Variants in CFAP46 observed in about 807,000 individuals in gnomAD.
CFAP46 encodes cilia- and flagella-associated protein 46.
In CFAP46, 245 loss-of-function variants were observed where a neutral mutation model predicts 325.7. That is an observed-to-expected ratio of 0.75 (90% CI 0.68 to 0.84). The LOEUF is 0.84. CFAP46 is among the 40% of genes least tolerant of loss of function. CFAP46 has a pLI of 0.00. For synonymous variants in CFAP46, 1,523 were observed against 1,495.9 expected (o/e 1.02, Z -0.42); for missense variants, 3,346 against 3,543.0 (o/e 0.94, Z 1.41).
At position 132,885,130 on chromosome 10, in the gene CFAP46, G is replaced by A. The variant is rs1849102798; in HGVS notation, c.3600C>T (p.Cys1200=). 7 of 1,549,180 alleles carry A rather than the reference G, an allele frequency of 4.5e-6. No homozygotes were observed. Among genetic ancestry groups the A allele is most frequent in the African/African-American group, 2.7e-5 (2 of 73,018 alleles). Residue 1200 remains cysteine (C), a synonymous_variant, in exon 27 of 58, where the codon TGC becomes TGT. Transcript: ENST00000368586. ...GCAAGGCCTGGATGGCGTTGTTGTAGCAGGCCAGCTCTCCAGACACGCTCG... is the reference window on the plus strand; with the variant it reads ...GCAAGGCCTGGATGGCGTTGTTGTAACAGGCCAGCTCTCCAGACACGCTCG... ...NSPSVSGELA[C]YNNAIQALQK...
chr10:132,814,196 G>T lies in CFAP46; in HGVS notation c.7344C>A (p.Phe2448Leu), dbSNP rs1286712181. The change falls in exon 54 of 58, where the codon TTC becomes TTA. Residue 2448 changes from phenylalanine (F) to leucine (L), a missense_variant. Phe to Leu is a conservative substitution (Grantham distance 22, BLOSUM62 0). Transcript: ENST00000368586. ...CCAGATGTCCCGCCCATCGCGACGT[G>T]AATGTGTCTTGGAATCTTTCCAAAA... Reference protein sequence around the residue: ...QDILERFQDTFTSRWAGHLGS... With the variant: ...QDILERFQDTLTSRWAGHLGS... 1 of 1,613,978 alleles carries T rather than the reference G, an allele frequency of 6.2e-7. No homozygotes were observed.
chr10:132,862,323 G>T (rs898248449), intron 35 of CFAP46, among the ~76,000 whole-genome samples: 4 of 152,120 alleles, frequency 2.6e-5, no homozygotes, highest in African/African-American at 7.2e-5. Context: ...ACAGTGGGCC[G>T]GAGGCCGGCG....
intron 5 of CFAP46, among the ~76,000 whole-genome samples, chr10:132,937,880 G>A (rs1263616561): frequency 2.6e-5 from 4 of 152,178 alleles, no homozygotes; most frequent in African/African-American, 7.2e-5. Context: ...CTAGCACCGG[G>A]GCATTTTGAA....
rs761360592 is a variant in CFAP46 at position 132,851,116 on chromosome 10, C to G, written c.5763+1G>C. 1 of 1,613,650 alleles carries G rather than the reference C, an allele frequency of 6.2e-7. No homozygotes were observed. Among genetic ancestry groups the G allele is most frequent in the South Asian group, 1.1e-5 (1 of 91,070 alleles). On this transcript the variant is annotated splice_donor_variant, in intron 40 of 57. Coordinates refer to ENST00000368586, the MANE Select transcript of CFAP46 (RefSeq NM_001200049.3). LOFTEE classifies it high-confidence loss of function. ...CGGGAATCTGTGACCCCAGCAATTA[C>G]CAGGCCGACGGAAGTGTAGTCACTG...
chr10:132,839,270 G>C (rs895205811), intron 44 of CFAP46, among the ~76,000 whole-genome samples: 15 of 152,208 alleles, frequency 9.9e-5, no homozygotes, highest in Non-Finnish European at 1.9e-4. Flanking sequence ...GCCACAGGGG[G>C]GTGGCGCAGC....
At chr10:132,894,313 T>C (rs977790557) in intron 24 of CFAP46, among the ~76,000 whole-genome samples, 2 of 152,198 alleles carry the variant, frequency 1.3e-5, no homozygotes, top group Non-Finnish European at 2.9e-5. Flanking sequence ...TAAATCAATG[T>C]GATGAAAAGC....
intron 38 of CFAP46, 57 bp from the exon 39 acceptor site, chr10:132,857,845 T>A: frequency 7.5e-7 from 1 of 1,335,884 alleles, no homozygotes; most frequent in Non-Finnish European, 1.0e-6. Context: ...ACTAAATGTT[T>A]AATATGTCAT....
At chr10:132,887,136 T>G (rs1849146511) in intron 25 of CFAP46, among the ~76,000 whole-genome samples, 1 of 131,262 alleles carries the variant, frequency 7.6e-6, no homozygotes, top group Non-Finnish European at 1.6e-5. Flanking sequence ...CTCTCCTCTG[T>G]CCTCTCTCAC....
At chr10:132,811,198 C>T (rs1359530178) in intron 55 of CFAP46, among the ~76,000 whole-genome samples, 167 bp from the exon 56 acceptor site, 1 of 152,216 alleles carries the variant, frequency 6.6e-6, no homozygotes, top group Non-Finnish European at 1.5e-5. Context: ...CCAGGGACCC[C>T]CTGGCCACAG....
intron 16 of CFAP46, among the ~76,000 whole-genome samples, chr10:132,917,321 G>A (rs1345479081): frequency 2.0e-5 from 3 of 152,244 alleles, no homozygotes; most frequent in African/African-American, 7.2e-5. Flanking sequence ...TGGGAACTCT[G>A]AAGTCACACA....
chr10:132,823,415 C>T (rs1298144700), intron 50 of CFAP46, among the ~76,000 whole-genome samples: 64 of 122,264 alleles, frequency 5.2e-4, no homozygotes, highest in African/African-American at 1.9e-3. Context: ...GTGCTGTGTG[C>T]TGTGTGAGTG....
chr10:132,920,601 C>T (rs1274041677), intron 13 of CFAP46, among the ~76,000 whole-genome samples: 1 of 152,260 alleles, frequency 6.6e-6, no homozygotes, highest in African/African-American at 2.4e-5. Flanking sequence ...AATCACCGCT[C>T]CTTTTCCTGG....
rs139612235 is a variant in CFAP46, at chr10:132,890,387, C to G, written c.3304+1946G>C. On this transcript the variant is annotated intron_variant, in intron 25 of 57. Transcript: ENST00000368586. Reference sequence around the variant, plus strand: ...AAAGTAGTTATGACTGAGCAGTAACCAGGCTGCACCCTGGACACATCCTTG... The same window carrying G: ...AAAGTAGTTATGACTGAGCAGTAACGAGGCTGCACCCTGGACACATCCTTG... 6.3e-3 allele frequency among the ~76,000 whole-genome samples: 964 copies of G among 152,318 alleles called. 4 individuals are homozygous for G. The highest frequency in any genetic ancestry group is 0.011 in the Non-Finnish European group (765 of 68,022).
At chr10:132,866,397 G>A (rs1474743876) in intron 34 of CFAP46, among the ~76,000 whole-genome samples, 1 of 152,148 alleles carries the variant, frequency 6.6e-6, no homozygotes, top group Non-Finnish European at 1.5e-5. Context: ...TGCACCCTGG[G>A]CACCTCTCTT....
intron 50 of CFAP46, among the ~76,000 whole-genome samples, chr10:132,823,266 A>T (rs1389116466): frequency 4.0e-3 from 160 of 40,246 alleles, no homozygotes; most frequent in African/African-American, 4.7e-3. Flanking sequence ...GTGCTGTGTG[A>T]GTGCTGATGT....
At chr10:132,908,272 C>T (rs184405708) in intron 22 of CFAP46, 196 bp downstream of exon 22, 155 of 632,620 alleles carry the variant, frequency 2.5e-4, no homozygotes, top group Middle Eastern at 2.2e-3. Context: ...CCCAGGCCCG[C>T]GCTCCCTGCC....
Position 132,879,638 on chromosome 10 carries a change from C to A in CFAP46, c.3800-7G>T. ...TCCACAGCCACGTACTCCCCTGAAA[C>A]ACGGGGTGCCCGAGGCTGAGAGCAG... On this transcript the variant is annotated splice_polypyrimidine_tract_variant and splice_region_variant and intron_variant, in intron 28 of 57. Coordinates refer to ENST00000368586, the MANE Select transcript of CFAP46 (RefSeq NM_001200049.3). 6.6e-7 allele frequency: 1 copy of A among 1,507,060 alleles called. No individual in the cohort carries two copies. Among genetic ancestry groups the A allele is most frequent in the South Asian group, 1.3e-5 (1 of 77,142 alleles). 93.4% of individuals were successfully genotyped at this position (1,507,060 alleles called of 1,614,324 possible).
intron 44 of CFAP46, among the ~76,000 whole-genome samples, chr10:132,841,775 G>T (rs1848348593): frequency 6.6e-6 from 1 of 152,206 alleles, no homozygotes; most frequent in East Asian, 1.9e-4. Flanking sequence ...CACCCCTGGG[G>T]CCGCCATGGA....
Position 132,937,607 on chromosome 10 carries a change from G to T in CFAP46, c.605C>A (p.Ala202Asp). The T allele has an allele frequency of 1.9e-6, 3 of 1,613,640 alleles. No individual in the cohort carries two copies. Among genetic ancestry groups the T allele is most frequent in the Non-Finnish European group, 2.5e-6 (3 of 1,179,962 alleles). ...EEAARFCSTAAPFIKSHVPQK... is the reference protein window; with the variant it reads ...EEAARFCSTADPFIKSHVPQK... The stretch of plus-strand genomic sequence containing the variant: ...TGGCACGTGAGACTTAATGAACGGA[G>T]CTGCCGTGGAGCAGAACCTGGCAGC... Residue 202 changes from alanine (A) to aspartate (D), a missense_variant, in exon 6 of 58, where the codon GCT becomes GAT. Physicochemically the swap from Ala to Asp is moderately radical, Grantham distance 126. Transcript: ENST00000368586.
Sources: gnomAD v4.1 joint callset for allele counts (sites outside exome capture counted in the v4.1 genomes callset) on GRCh38, gnomAD v4.1.1 for gene constraint, MANE v1.5 for transcripts, NCBI Gene and HGNC (gene_info 2026-07-23, HGNC 2026-07-21) for gene names.